CACHD1: variants seen among roughly 807,000 people sequenced by gnomAD.
CACHD1 encodes the protein VWFA and cache domain-containing protein 1.
In CACHD1, 71 loss-of-function variants were observed where a neutral mutation model predicts 138.7. The ratio of observed to expected loss-of-function variants is 0.51; its 90% CI spans 0.42 to 0.62. CACHD1 has a LOEUF of 0.62. Ranked by LOEUF, CACHD1 falls within the 20% of genes least tolerant of loss-of-function variation. The pLI is 0.00. For missense variants in CACHD1, 1,389 were observed against 1,625.3 expected (o/e 0.85, Z 2.50); for synonymous variants, 578 against 591.5 (o/e 0.98, Z 0.33).
intron 1 of CACHD1, among the ~76,000 whole-genome samples, chr1:64,530,935 T>TG (rs1646579719): frequency 6.8e-6 from 1 of 147,602 alleles, no homozygotes; most frequent in East Asian, 1.9e-4. Context: ...TTTTTTTTGT[T>TG]TTTTTTTTTT....
Position 64,561,122 on chromosome 1 carries a change from T to C in CACHD1, c.261+10466T>C, listed in dbSNP as rs1321038723. On this transcript the variant is annotated intron_variant, in intron 2 of 26. Transcript: ENST00000651257. ...AAATTTCTGATTTTATTATTAGGAA[T>C]ATTTAGGGGAAATGTTTAATAAATT... 2.0e-5 allele frequency among the ~76,000 whole-genome samples: 3 copies of C among 152,140 alleles called. No homozygotes were observed. The South Asian group carries it at 6.2e-4, about 32-fold the overall frequency.
At chr1:64,471,665 G>A (rs1257538547) in intron 1 of CACHD1, among the ~76,000 whole-genome samples, 2 of 152,240 alleles carry the variant, frequency 1.3e-5, no homozygotes, top group African/African-American at 2.4e-5. Context: ...TAGTTTGCGT[G>A]CTGTCTGCTG....
chr1:64,655,065 T>C (rs1348403016), intron 12 of CACHD1, among the ~76,000 whole-genome samples: 1 of 152,182 alleles, frequency 6.6e-6, no homozygotes, highest in African/African-American at 2.4e-5. Flanking sequence ...AAGTAAACTA[T>C]GCCCAGCCTG....
intron 7 of CACHD1, 53 bp downstream of exon 7, chr1:64,634,313 A>T: frequency 8.0e-7 from 1 of 1,253,566 alleles, no homozygotes; most frequent in Non-Finnish European, 1.2e-6. Context: ...AGATGGCAAT[A>T]GGAATATATT....
chr1:64,627,009 T>C (rs977755239), intron 4 of CACHD1, among the ~76,000 whole-genome samples: 3 of 151,682 alleles, frequency 2.0e-5, no homozygotes, highest in Admixed American at 6.6e-5. Context: ...CAAGAACAAA[T>C]CATGAAAAGT....
At chr1:64,484,478 T>C (rs1051462690) in intron 1 of CACHD1, among the ~76,000 whole-genome samples, 2 of 152,158 alleles carry the variant, frequency 1.3e-5, no homozygotes, top group Non-Finnish European at 2.9e-5. Context: ...TCCTCTTCAA[T>C]TCAGGTATAT....
rs762050615 is a variant in CACHD1 at position 64,673,333 on chromosome 1, CT to C, written c.2611-12del. The C allele has an allele frequency of 1.6e-5, 26 of 1,613,540 alleles. No individual in the cohort carries two copies. The Admixed American group carries it at 2.2e-4, about 13-fold the overall frequency. ...CTACATGGCATATGTCTTCTGTTCT[CT>C]TTGGCCTTGGTAGGAGCCCCTGGTA... On this transcript the variant is annotated splice_polypyrimidine_tract_variant and intron_variant, in intron 18 of 26. Coordinates refer to ENST00000651257, the MANE Select transcript of CACHD1 (RefSeq NM_020925.4).
chr1:64,661,528 CT>C (rs1649440335), intron 13 of CACHD1, among the ~76,000 whole-genome samples: 1 of 152,176 alleles, frequency 6.6e-6, no homozygotes, highest in African/African-American at 2.4e-5. Flanking sequence ...TCTTCTGTCT[CT>C]GAAGTGGGTG....
intron 12 of CACHD1, 87 bp from the exon 13 acceptor site, chr1:64,658,618 G>A (rs1649339990): frequency 1.1e-6 from 1 of 892,946 alleles, no homozygotes; most frequent in Non-Finnish European, 1.7e-6. Context: ...ATAGAAGGTA[G>A]AGGCAGTAGA....
chr1:64,486,681 GAATCTTGGGTTTAGTTAGTC>G (rs1327328200), intron 1 of CACHD1, among the ~76,000 whole-genome samples: 1 of 152,118 alleles, frequency 6.6e-6, no homozygotes, highest in Non-Finnish European at 1.5e-5. Flanking sequence ...GGCCTGTGTA[GAATCTTGGGTTTAGTTAGTC>G]AATCTGCAAG....
intron 9 of CACHD1, among the ~76,000 whole-genome samples, chr1:64,650,100 G>A (rs1217990757): frequency 6.6e-6 from 1 of 152,174 alleles, no homozygotes; most frequent in African/African-American, 2.4e-5. Flanking sequence ...GAGTGATTGA[G>A]GATTTTGTCA....
intron 1 of CACHD1, among the ~76,000 whole-genome samples, chr1:64,525,844 C>A (rs1169328797): frequency 6.6e-6 from 1 of 152,200 alleles, no homozygotes; most frequent in Non-Finnish European, 1.5e-5. Context: ...ACTGCCTACA[C>A]AATTTTCATG....
intron 2 of CACHD1, among the ~76,000 whole-genome samples, chr1:64,572,523 T>C (rs1298919339): frequency 6.6e-6 from 1 of 152,140 alleles, no homozygotes; most frequent in Non-Finnish European, 1.5e-5. Context: ...TGTATTGCAG[T>C]GACTCTCCTG....
chr1:64,535,737 A>C (rs1355415653), intron 1 of CACHD1, among the ~76,000 whole-genome samples: 1 of 152,190 alleles, frequency 6.6e-6, no homozygotes, highest in African/African-American at 2.4e-5. Flanking sequence ...AAGGACTTTT[A>C]AAGCAATGTT....
At chr1:64,588,212 A>T in intron 3 of CACHD1, among the ~76,000 whole-genome samples, 1 of 152,172 alleles carries the variant, frequency 6.6e-6, no homozygotes, top group Admixed American at 6.5e-5. Flanking sequence ...TGTCTTATCC[A>T]TGTGCCTTCC....
chr1:64,541,501 G>A (rs1646676847), intron 1 of CACHD1, among the ~76,000 whole-genome samples: 1 of 152,118 alleles, frequency 6.6e-6, no homozygotes, highest in South Asian at 2.1e-4. Flanking sequence ...GCCATTGGTA[G>A]GAGGTTGTTA....
intron 16 of CACHD1, among the ~76,000 whole-genome samples, chr1:64,669,273 G>C (rs566865616): frequency 2.0e-4 from 30 of 152,294 alleles, no homozygotes; most frequent in Middle Eastern, 3.4e-3. Context: ...CAAGTGCTTA[G>C]TACTGTACTT....
intron 1 of CACHD1, among the ~76,000 whole-genome samples, chr1:64,478,136 G>C (rs1258567321): frequency 6.6e-6 from 1 of 152,030 alleles, no homozygotes; most frequent in African/African-American, 2.4e-5. Flanking sequence ...ACAATGATGT[G>C]CCTGAATAAA....
intron 24 of CACHD1, among the ~76,000 whole-genome samples, chr1:64,680,346 G>T (rs983439685): frequency 6.6e-6 from 1 of 151,974 alleles, no homozygotes; most frequent in African/African-American, 2.4e-5. Context: ...AAAACTAGCC[G>T]GTGCGGTGGC....
Sources: gnomAD v4.1 joint callset for allele counts (sites outside exome capture counted in the v4.1 genomes callset) on GRCh38, gnomAD v4.1.1 for gene constraint, MANE v1.5 for transcripts, NCBI Gene and HGNC (gene_info 2026-07-23, HGNC 2026-07-21) for gene names.